Variants in WDR70 observed in about 807,000 individuals in gnomAD.
The protein encoded by WDR70 is WD repeat domain 70, also known as WD repeat-containing protein 70.
In WDR70, 53 loss-of-function variants were observed where a neutral mutation model predicts 88.6. The ratio of observed to expected loss-of-function variants is 0.60; its 90% CI spans 0.48 to 0.75. The LOEUF is 0.75. Ranked by LOEUF, WDR70 falls within the 30% of genes least tolerant of loss-of-function variation. The pLI is 0.00. For missense variants in WDR70, 610 were observed against 823.2 expected, an observed-to-expected ratio of 0.74 and a Z score of 3.17; for synonymous variants, 280 against 270.0, an observed-to-expected ratio of 1.04 and a Z score of -0.36.
chr5:37,559,359 C>G (rs1742416055), intron 9 of WDR70, among the ~76,000 whole-genome samples: 2 of 152,110 alleles, frequency 1.3e-5, no homozygotes, highest in Non-Finnish European at 2.9e-5. Flanking sequence ...CTCTTCCACT[C>G]TCTCTCTTCT....
At chr5:37,629,448 C>G (rs1424209145) in intron 10 of WDR70, among the ~76,000 whole-genome samples, 2 of 152,142 alleles carry the variant, frequency 1.3e-5, no homozygotes, top group Admixed American at 6.5e-5. Flanking sequence ...TCTCATAAAT[C>G]CTTTAGGCTT....
chr5:37,485,546 T>G (rs1193613682), intron 8 of WDR70, among the ~76,000 whole-genome samples: 1 of 152,196 alleles, frequency 6.6e-6, no homozygotes, highest in Non-Finnish European at 1.5e-5. Context: ...CATTCACAAG[T>G]CCAAGAAGTC....
chr5:37,495,607 C>T (rs1331630897), intron 8 of WDR70, among the ~76,000 whole-genome samples: 2 of 151,982 alleles, frequency 1.3e-5, no homozygotes, highest in Non-Finnish European at 2.9e-5. Flanking sequence ...TAGGCTATTT[C>T]CAGTTAAGGC....
chr5:37,699,106 G>T (rs1387581569), intron 11 of WDR70, among the ~76,000 whole-genome samples: 1 of 151,910 alleles, frequency 6.6e-6, no homozygotes, highest in Non-Finnish European at 1.5e-5. Flanking sequence ...ATCCACTCTT[G>T]CATCTTTGGG....
rs572081625 is a variant in WDR70 at position 37,386,549 on chromosome 5, A to G, written c.175+4864A>G. On this transcript the variant is annotated intron_variant, in intron 3 of 17. Coordinates refer to ENST00000265107, the MANE Select transcript of WDR70 (RefSeq NM_018034.4). ...CACCATGTTGGCCAGGCTTATCTCA[A>G]ACTCCTGAAGTCAAGTGATCCGCCT... Among the ~76,000 whole-genome samples the G allele has an allele frequency of 7.9e-5, 12 of 152,146 alleles. 1 individual carries two copies. The South Asian group carries it at 2.5e-3, about 32-fold the overall frequency.
At chr5:37,399,359 T>C (rs1315490289) in intron 5 of WDR70, among the ~76,000 whole-genome samples, 2 of 152,160 alleles carry the variant, frequency 1.3e-5, no homozygotes, top group African/African-American at 4.8e-5. Flanking sequence ...AGGCCGACTC[T>C]GCAGTGAGTC....
intron 9 of WDR70, among the ~76,000 whole-genome samples, chr5:37,582,496 T>A (rs1276381558): frequency 6.6e-6 from 1 of 152,226 alleles, no homozygotes; most frequent in Non-Finnish European, 1.5e-5. Flanking sequence ...CACAGTTATC[T>A]TTTAGATGTT....
At chr5:37,559,014 ACCT>A in intron 9 of WDR70, among the ~76,000 whole-genome samples, 1 of 150,642 alleles carries the variant, frequency 6.6e-6, no homozygotes, top group African/African-American at 2.4e-5. Context: ...GCTCACTGTA[ACCT>A]CTGCCTCTCA....
At chr5:37,660,798 A>G (rs747501821) in intron 10 of WDR70, among the ~76,000 whole-genome samples, 29 of 152,206 alleles carry the variant, frequency 1.9e-4, no homozygotes, top group Non-Finnish European at 3.1e-4. Flanking sequence ...ATGTGACTAC[A>G]GTTGGCCCAA....
At chr5:37,520,454 T>G (rs1469108560) in intron 9 of WDR70, among the ~76,000 whole-genome samples, 1 of 152,094 alleles carries the variant, frequency 6.6e-6, no homozygotes, top group African/African-American at 2.4e-5. Context: ...TAGTGTTAAT[T>G]TCTTTTCCTA....
At chr5:37,468,801 C>A (rs1447062759) in intron 7 of WDR70, among the ~76,000 whole-genome samples, 1 of 152,176 alleles carries the variant, frequency 6.6e-6, no homozygotes, top group South Asian at 2.1e-4. Context: ...TTATTCCTTA[C>A]ACAATATAGT....
chr5:37,716,272 G>T (rs1304188874), intron 13 of WDR70, among the ~76,000 whole-genome samples: 1 of 152,158 alleles, frequency 6.6e-6, no homozygotes, highest in East Asian at 1.9e-4. Flanking sequence ...TAGAATAAGG[G>T]CGTTGTTTAG....
At chr5:37,572,047 A>G (rs1742919597) in intron 9 of WDR70, among the ~76,000 whole-genome samples, 1 of 152,194 alleles carries the variant, frequency 6.6e-6, no homozygotes, top group South Asian at 2.1e-4. Context: ...CAGTGATAAC[A>G]GCTTCAGAAA....
intron 10 of WDR70, among the ~76,000 whole-genome samples, chr5:37,630,312 G>A (rs886391672): frequency 1.3e-5 from 2 of 152,186 alleles, no homozygotes; most frequent in African/African-American, 2.4e-5. Flanking sequence ...TCTCAGCCAT[G>A]TATTTAGGCT....
intron 5 of WDR70, among the ~76,000 whole-genome samples, chr5:37,397,864 C>T (rs1749067268): frequency 6.6e-6 from 1 of 151,636 alleles, no homozygotes; most frequent in Non-Finnish European, 1.5e-5. Context: ...GTAATCGTGG[C>T]GCACGCCTGT....
At chr5:37,539,199 C>T (rs1741746495) in intron 9 of WDR70, among the ~76,000 whole-genome samples, 1 of 152,176 alleles carries the variant, frequency 6.6e-6, no homozygotes, top group South Asian at 2.1e-4. Flanking sequence ...TTTGATACTT[C>T]TGCCACTTCT....
intron 13 of WDR70, among the ~76,000 whole-genome samples, chr5:37,706,737 A>ACACACG (rs1554013833): frequency 3.6e-5 from 2 of 55,482 alleles, no homozygotes; most frequent in East Asian, 8.7e-4. Flanking sequence ...ACACACACAC[A>ACACACG]CGCACACAGA....
intron 7 of WDR70, among the ~76,000 whole-genome samples, chr5:37,450,703 AG>A (rs1738650674): frequency 6.6e-6 from 1 of 152,224 alleles, no homozygotes; most frequent in Non-Finnish European, 1.5e-5. Context: ...TCAAATTAAA[AG>A]ATAGAAGTCA....
chr5:37,391,422 C>G (rs1424480593), intron 3 of WDR70, among the ~76,000 whole-genome samples: 1 of 152,166 alleles, frequency 6.6e-6, no homozygotes, highest in African/African-American at 2.4e-5. Flanking sequence ...CATTTCCCCT[C>G]CCTCTAGCCT....
Sources: allele counts gnomAD v4.1 joint callset (sites outside exome capture counted in the v4.1 genomes callset), GRCh38; gene constraint gnomAD v4.1.1; transcripts MANE v1.5; gene names NCBI Gene and HGNC (gene_info 2026-07-23, HGNC 2026-07-21).